Variants in RABGEF1 observed in about 807,000 individuals in gnomAD.
The protein encoded by RABGEF1 is RAB guanine nucleotide exchange factor 1, also known as rab5 GDP/GTP exchange factor.
A neutral mutation model predicts 57.3 loss-of-function variants in RABGEF1; 26 were observed. That is an observed-to-expected ratio of 0.45 (90% confidence interval 0.33 to 0.63). RABGEF1 has a LOEUF of 0.63. Among genes scored for constraint, RABGEF1 ranks in the 20% least tolerant of loss-of-function variants. The probability of loss-of-function intolerance (pLI) is 0.02; values close to 1 mark genes in which losing one functional copy is unlikely to be tolerated. For synonymous variants in RABGEF1, 185 were observed against 210.7 expected (o/e 0.88, Z 1.06); for missense variants, 464 against 607.6 (o/e 0.76, Z 2.48).
chr7:66,672,219 G>A, the RABGEF1 span, among the ~76,000 whole-genome samples: 1 of 150,550 alleles, frequency 6.6e-6, no homozygotes, highest in African/African-American at 2.4e-5. Flanking sequence ...TCAAGAGATT[G>A]AGACCATCCT....
chr7:66,810,106 C>T lies in RABGEF1; in HGVS notation c.*822C>T, dbSNP rs1196722528. On this transcript the variant is annotated 3_prime_UTR_variant, in exon 9 of 9. Transcript: ENST00000284957. Reference sequence around the variant, plus strand: ...GTTCTTCAGTGAGAAGGAGCAGGCACTGGGCCTGGAATGGAAGGCGGGAAT... The same window carrying T: ...GTTCTTCAGTGAGAAGGAGCAGGCATTGGGCCTGGAATGGAAGGCGGGAAT... 6.6e-6 allele frequency: 1 copy of T among 152,178 alleles called. No individual in the cohort carries two copies. The highest frequency in any genetic ancestry group is 1.5e-5 in the Non-Finnish European group (1 of 68,030). The allele number at this position is 152,178 out of a possible 1,614,324, so 9.4% of individuals were successfully genotyped here. A position where few individuals can be genotyped will look rare whatever the true frequency, so the allele number is the denominator to read the frequency against.
chr7:66,733,527 A>ATC (rs1486812222), intron 2 of RABGEF1, among the ~76,000 whole-genome samples: 25 of 152,058 alleles, frequency 1.6e-4, no homozygotes, highest in Non-Finnish European at 3.1e-4. Flanking sequence ...TGAAACCCCC[A>ATC]TCTCTACTAA....
chr7:66,797,336 A>G, intron 5 of RABGEF1, 38 bp from the exon 6 acceptor site: 3 of 1,534,848 alleles, frequency 2.0e-6, no homozygotes, highest in Non-Finnish European at 2.6e-6. Context: ...GAGAAAAAAT[A>G]TATATATCTT....
chr7:66,776,131 G>C lies in RABGEF1; in HGVS notation c.346+738G>C, dbSNP rs542201056. 5.9e-5 allele frequency among the ~76,000 whole-genome samples: 9 copies of C among 152,254 alleles called. No individual in the cohort carries two copies. The East Asian group carries it at 1.7e-3, about 29-fold the overall frequency. ...AATTTATGTTGGTACTCAGAGTTAT[G>C]CAGTCAAAGCGAAATAATGAGGGAG... On this transcript the variant is annotated intron_variant, in intron 3 of 8. Transcript: ENST00000284957.
At chr7:66,707,645 A>G (rs1267845519) in intron 1 of RABGEF1, among the ~76,000 whole-genome samples, 1 of 152,178 alleles carries the variant, frequency 6.6e-6, no homozygotes, top group Non-Finnish European at 1.5e-5. Flanking sequence ...CCGAGACTGC[A>G]CCACTGCACT....
In RABGEF1 at chr7:66,795,595, A is replaced by G. The variant is rs773784585; in HGVS notation, c.595+3A>G. ...AAGGATGCAAACTCGTGGGAAAGGT[A>G]ACACTGTTAGCCATTGAGAGATTGC... On this transcript the variant is annotated splice_donor_region_variant and intron_variant, in intron 5 of 8. Coordinates refer to ENST00000284957, the MANE Select transcript of RABGEF1 (RefSeq NM_014504.3). 6.3e-7 allele frequency: 1 copy of G among 1,596,728 alleles called. No individual in the cohort carries two copies. The highest frequency in any genetic ancestry group is 2.2e-5 in the East Asian group (1 of 44,812).
chr7:66,805,439 G>A (rs1388163928), intron 8 of RABGEF1, 43 bp downstream of exon 8: 2 of 1,605,136 alleles, frequency 1.2e-6, no homozygotes, highest in African/African-American at 2.7e-5. Context: ...GGACTAGGAA[G>A]GTGGTGGTTT....
At chr7:66,780,825 T>A (rs1040737054) in intron 3 of RABGEF1, among the ~76,000 whole-genome samples, 4 of 152,222 alleles carry the variant, frequency 2.6e-5, no homozygotes, top group African/African-American at 9.6e-5. Context: ...GTCCATGTTC[T>A]TAAGTTTACT....
chr7:66,662,436 C>G, the RABGEF1 span, among the ~76,000 whole-genome samples: 6 of 152,160 alleles, frequency 3.9e-5, no homozygotes, highest in African/African-American at 1.4e-4. Context: ...AATCCTCTCT[C>G]CCTGTTCCCC....
At chr7:66,738,162 A>G (rs775366597), upstream of RABGEF1, among the ~76,000 whole-genome samples, 8 of 151,888 alleles carry the variant, frequency 5.3e-5, no homozygotes, top group Non-Finnish European at 1.0e-4. Flanking sequence ...CTGGGATTAC[A>G]GGTACAGGCC....
chr7:66,794,207 A>ATTTTTTTTTTTTTTT (rs1174835014), intron 4 of RABGEF1, among the ~76,000 whole-genome samples: 46 of 91,070 alleles, frequency 5.1e-4, no homozygotes, highest in South Asian at 7.8e-4. Context: ...TCCATGTTTA[A>ATTTTTTTTTTTTTTT]TTTTTTTTTT....
At chr7:66,712,035 A>G (rs1029286393) in intron 1 of RABGEF1, 5 of 152,212 alleles carry the variant, frequency 3.3e-5, no homozygotes, top group African/African-American at 1.2e-4. Flanking sequence ...TGAGTCCTCC[A>G]ACTTTATTCT....
Position 66,809,370 on chromosome 7 carries a change from T to C in RABGEF1, c.*86T>C, listed in dbSNP as rs1789165408. On this transcript the variant is annotated 3_prime_UTR_variant, in exon 9 of 9. Transcript: ENST00000284957. ...AACTGATTGGGATCTAGAATGTAAC[T>C]AAATTGCTTATAAATGTCAGCATTT... 4.4e-6 allele frequency: 6 copies of C among 1,368,854 alleles called. No individual in the cohort carries two copies. The South Asian group carries it at 8.8e-5, about 20-fold the overall frequency. 84.8% of individuals were successfully genotyped at this position (1,368,854 alleles called of 1,614,324 possible). A position where few individuals can be genotyped will look rare whatever the true frequency, so the allele number is the denominator to read the frequency against.
intron 2 of RABGEF1, among the ~76,000 whole-genome samples, chr7:66,723,118 G>A (rs1002934276): frequency 2.0e-5 from 3 of 152,010 alleles, no homozygotes; most frequent in East Asian, 1.9e-4. Flanking sequence ...AGAGGCAAGC[G>A]CTGCCACGCC....
chr7:66,754,758 G>A (rs145086373), intron 1 of RABGEF1, among the ~76,000 whole-genome samples: 10 of 152,286 alleles, frequency 6.6e-5, no homozygotes, highest in Middle Eastern at 3.4e-3. Flanking sequence ...TAGGCATTGC[G>A]TTTTGTATTT....
intron 1 of RABGEF1, among the ~76,000 whole-genome samples, chr7:66,695,859 A>G (rs1441763738): frequency 1.3e-5 from 2 of 151,928 alleles, no homozygotes; most frequent in Non-Finnish European, 2.9e-5. Context: ...TCAGCTACTC[A>G]GGAGGCTGAC....
At chr7:66,798,520 G>A (rs1786550543) in intron 6 of RABGEF1, among the ~76,000 whole-genome samples, 2 of 152,202 alleles carry the variant, frequency 1.3e-5, no homozygotes, top group Non-Finnish European at 2.9e-5. Context: ...CCTGGACCAA[G>A]ATGCAGAACA....
chr7:66,791,398 T>A (rs1367498400), intron 4 of RABGEF1, among the ~76,000 whole-genome samples: 1 of 152,252 alleles, frequency 6.6e-6, no homozygotes. Flanking sequence ...TGGCACACTT[T>A]AAATGTGTGT....
chr7:66,770,969 TTTGTTGTTG>T (rs144702649), intron 1 of RABGEF1, among the ~76,000 whole-genome samples: 6 of 151,684 alleles, frequency 4.0e-5, no homozygotes, highest in African/African-American at 4.8e-5. Context: ...ATTATTTGGG[TTTGTTGTTG>T]TTGTTGTTGT....
Sources: gnomAD v4.1 joint callset for allele counts (sites outside exome capture counted in the v4.1 genomes callset) on GRCh38, gnomAD v4.1.1 for gene constraint, MANE v1.5 for transcripts, NCBI Gene and HGNC (gene_info 2026-07-23, HGNC 2026-07-21) for gene names.